Variants in ADARB2 observed in about 807,000 individuals in gnomAD.
The protein encoded by ADARB2 is adenosine deaminase RNA specific B2 (inactive).
A neutral mutation model predicts 62.2 loss-of-function variants in ADARB2; 25 were observed. That is an observed-to-expected ratio of 0.40 (90% CI 0.29 to 0.56). The LOEUF is 0.56. ADARB2 is among the 20% of genes least tolerant of loss of function. The pLI is 0.43. For missense variants in ADARB2, 1,071 were observed against 1,077.4 expected (o/e 0.99, Z 0.08); for synonymous variants, 572 against 500.8 (o/e 1.14, Z -1.90).
At chr10:1,230,512 G>A (rs1006511701) in intron 6 of ADARB2, among the ~76,000 whole-genome samples, 10 of 152,264 alleles carry the variant, frequency 6.6e-5, no homozygotes, top group South Asian at 2.1e-4. Context: ...GACATACACC[G>A]CCTGAGTTAG....
At chr10:1,491,980 A>G (rs2131932196) in intron 1 of ADARB2, among the ~76,000 whole-genome samples, 1 of 152,344 alleles carries the variant, frequency 6.6e-6, no homozygotes, top group East Asian at 1.9e-4. Context: ...ATTGTTATGT[A>G]TCTCTCTTGG....
intron 3 of ADARB2, among the ~76,000 whole-genome samples, chr10:1,312,363 GC>G (rs894467234): frequency 1.3e-5 from 2 of 152,164 alleles, no homozygotes; most frequent in Admixed American, 1.3e-4. Context: ...CCCCCGGCAG[GC>G]CCCAGGCTGG....
chr10:1,229,847 TGTG>T (rs1231897730), intron 6 of ADARB2, among the ~76,000 whole-genome samples: 1 of 106,188 alleles, frequency 9.4e-6, no homozygotes, highest in Non-Finnish European at 1.9e-5. Context: ...TGTGCTTACG[TGTG>T]TGTGTGTGTG....
rs564055346 is a variant in ADARB2, at chr10:1,715,456, G to A, written c.100+21595C>T. 9.9e-5 allele frequency among the ~76,000 whole-genome samples: 15 copies of A among 151,436 alleles called. No homozygotes were observed. The South Asian group carries it at 2.5e-3, about 25-fold the overall frequency. On this transcript the variant is annotated intron_variant, in intron 1 of 9. Transcript: ENST00000381312. Reference sequence around the variant, plus strand: ...TTTTGATTGAGAAACTTTCAAGGTTGTTTAATATTAAATGTGATTTAAAAA... The same window carrying A: ...TTTTGATTGAGAAACTTTCAAGGTTATTTAATATTAAATGTGATTTAAAAA...
chr10:1,233,585 G>T, intron 6 of ADARB2, 109 bp downstream of exon 6: 2 of 1,203,392 alleles, frequency 1.7e-6, no homozygotes, highest in East Asian at 2.7e-5. Context: ...GTACCCAAGG[G>T]CCCCACACAC....
chr10:1,439,569 C>T (rs1588258513), intron 1 of ADARB2, among the ~76,000 whole-genome samples: 2 of 95,010 alleles, frequency 2.1e-5, no homozygotes, highest in African/African-American at 6.2e-5. Context: ...AGGTCCTTCA[C>T]TATGGGGCTC....
At chr10:1,297,983 C>A (rs960287720) in intron 3 of ADARB2, among the ~76,000 whole-genome samples, 2 of 152,356 alleles carry the variant, frequency 1.3e-5, no homozygotes, top group South Asian at 2.1e-4. Context: ...AAACTTCTGT[C>A]ATTTCAGCCA....
At position 1,558,448 on chromosome 10, in the gene ADARB2, C is replaced by G. The variant is rs187460608; in HGVS notation, c.100+178603G>C. 6.9e-3 allele frequency among the ~76,000 whole-genome samples: 739 copies of G among 107,840 alleles called. 5 individuals carry two copies. The highest frequency in any genetic ancestry group is 0.012 in the Non-Finnish European group (611 of 51,466). 70.7% of individuals were successfully genotyped at this position (107,840 alleles called of 152,430 possible). A position where few individuals can be genotyped will look rare whatever the true frequency, so the allele number is the denominator to read the frequency against. On this transcript the variant is annotated intron_variant, in intron 1 of 9. Coordinates refer to ENST00000381312, the MANE Select transcript of ADARB2 (RefSeq NM_018702.4). ...AGCACCCCCATGCCCCATCTAAATC[C>G]ACATCCCACCTCTGCCCCCCTCCGT...
chr10:1,326,854 CCACT>C (rs1831857529), intron 3 of ADARB2, among the ~76,000 whole-genome samples: 5 of 50,940 alleles, frequency 9.8e-5, no homozygotes, highest in African/African-American at 1.4e-4. Flanking sequence ...CAGCGCCTCC[CCACT>C]GCCCAGCGCC....
chr10:1,183,080 G>T lies in ADARB2; in HGVS notation c.*113C>A, dbSNP rs1239813447. The stretch of plus-strand genomic sequence containing the variant: ...AACATTGCACACTCGCGTGTTTCTG[G>T]GACACCAAAGTAAAACGAATGCAGG... On this transcript the variant is annotated 3_prime_UTR_variant, in exon 10 of 10. Coordinates refer to ENST00000381312, the MANE Select transcript of ADARB2 (RefSeq NM_018702.4). 2 of 1,238,392 alleles carry T rather than the reference G, an allele frequency of 1.6e-6. No individual in the cohort carries two copies. The highest frequency in any genetic ancestry group is 1.5e-5 in the African/African-American group (1 of 65,964). 76.7% of individuals were successfully genotyped at this position (1,238,392 alleles called of 1,614,324 possible). A position where few individuals can be genotyped will look rare whatever the true frequency, so the allele number is the denominator to read the frequency against.
chr10:1,726,842 G>C (rs1180961524), intron 1 of ADARB2, among the ~76,000 whole-genome samples: 1 of 152,150 alleles, frequency 6.6e-6, no homozygotes, highest in East Asian at 1.9e-4. Context: ...TGAGACCTCA[G>C]GGGCTCACGC....
rs560868527 is a variant in ADARB2 at position 1,245,656 on chromosome 10, A to G, written c.1193-3357T>C. ...TCTAGCTTCATCCATGTCCCTACAA[A>G]GGACATGAACTCATCCTTTTTTATG... On this transcript the variant is annotated intron_variant, in intron 4 of 9. Transcript: ENST00000381312. Among the ~76,000 whole-genome samples the G allele has an allele frequency of 3.3e-5, 5 of 152,320 alleles. No homozygotes were observed. The South Asian group carries it at 1.0e-3, about 32-fold the overall frequency.
rs191043790 is a variant in ADARB2, at chr10:1,497,097, T to C, written c.101-117937A>G. Among the ~76,000 whole-genome samples, 296 of 152,250 alleles carry C rather than the reference T, an allele frequency of 1.9e-3. 3 individuals carry two copies. Among genetic ancestry groups the C allele is most frequent in the African/African-American group, 6.5e-3 (271 of 41,534 alleles). ...TTGAATCTCAGGTATGCCCCTTAAGTTCTATAAGCCTAAGTCGTCACATCA... is the reference window on the plus strand; with the variant it reads ...TTGAATCTCAGGTATGCCCCTTAAGCTCTATAAGCCTAAGTCGTCACATCA... On this transcript the variant is annotated intron_variant, in intron 1 of 9. Coordinates refer to ENST00000381312, the MANE Select transcript of ADARB2 (RefSeq NM_018702.4).
chr10:1,269,587 C>T (rs1045396539), intron 4 of ADARB2, among the ~76,000 whole-genome samples: 7 of 152,208 alleles, frequency 4.6e-5, no homozygotes, highest in African/African-American at 9.7e-5. Flanking sequence ...AGAGTCCCAG[C>T]GAGGCTCAGT....
At chr10:1,288,631 C>T (rs1005715584) in intron 3 of ADARB2, among the ~76,000 whole-genome samples, 1 of 152,170 alleles carries the variant, frequency 6.6e-6, no homozygotes, top group Non-Finnish European at 1.5e-5. Flanking sequence ...CAGCTCCCAC[C>T]CTCAGATGAG....
intron 1 of ADARB2, among the ~76,000 whole-genome samples, chr10:1,388,254 C>T (rs1184117727): frequency 6.6e-6 from 1 of 152,034 alleles, no homozygotes; most frequent in Non-Finnish European, 1.5e-5. Flanking sequence ...CAGGACATAT[C>T]CAAAAGTTAT....
At chr10:1,308,415 C>T (rs11250408) in intron 3 of ADARB2, among the ~76,000 whole-genome samples, 11,656 of 152,254 alleles carry the variant, frequency 0.077, 612 homozygotes, top group East Asian at 0.12. Context: ...AGGGCGTTTT[C>T]GTTGCTTTCA....
intron 5 of ADARB2, among the ~76,000 whole-genome samples, chr10:1,234,737 C>CTTTTTTTTTTTT (rs71376899): frequency 7.5e-5 from 4 of 53,608 alleles, no homozygotes; most frequent in Non-Finnish European, 9.8e-5. Flanking sequence ...CGACCATGAT[C>CTTTTTTTTTTTT]TTTTTTTTTT....
intron 3 of ADARB2, among the ~76,000 whole-genome samples, chr10:1,276,407 A>C (rs1424876229): frequency 2.0e-5 from 3 of 152,072 alleles, no homozygotes; most frequent in African/African-American, 7.2e-5. Context: ...TCTGGATATT[A>C]GTCCTTTGTC....
Sources: allele counts gnomAD v4.1 joint callset (sites outside exome capture counted in the v4.1 genomes callset), GRCh38; gene constraint gnomAD v4.1.1; transcripts MANE v1.5; gene names NCBI Gene and HGNC (gene_info 2026-07-23, HGNC 2026-07-21).